UNC5D: variants seen among roughly 807,000 people sequenced by gnomAD.
UNC5D encodes the protein unc-5 netrin receptor D, also known as netrin receptor UNC5D.
In UNC5D, 39 loss-of-function variants were observed where a neutral mutation model predicts 105.4. The ratio of observed to expected loss-of-function variants is 0.37; its 90% CI spans 0.29 to 0.48. The LOEUF (loss-of-function observed/expected upper bound fraction) is 0.48, where lower values mean the gene tolerates loss of function less well. Among genes scored for constraint, UNC5D ranks in the 20% least tolerant of loss-of-function variants. UNC5D has a pLI of 0.98. For missense variants in UNC5D, 991 were observed against 1,202.4 expected (o/e 0.82, Z 2.60); for synonymous variants, 452 against 450.4 (o/e 1.00, Z -0.04).
intron 1 of UNC5D, chr8:35,256,370 C>A (rs1171069845): frequency 6.6e-6 from 1 of 152,010 alleles, no homozygotes; most frequent in Admixed American, 6.6e-5. Flanking sequence ...GCAGAACATG[C>A]AGGTTTTTAC....
intron 3 of UNC5D, among the ~76,000 whole-genome samples, chr8:35,574,748 G>A (rs2053343): frequency 0.45 from 67,636 of 151,954 alleles, 17,257 homozygotes; most frequent in African/African-American, 0.72. Context: ...CAGCCTTCCT[G>A]TACATTTCCA....
At position 35,235,605 on chromosome 8, in the gene UNC5D, G is replaced by C. The variant is rs1446261442; in HGVS notation, c.-180G>C. ...AAGCTATGGGGACGCGCCCTTTCTC[G>C]GGGTGCCCATTCAGCGGCGGCTCGG... is the stretch of plus-strand genomic sequence containing the variant. On this transcript the variant is annotated 5_prime_UTR_variant, in exon 1 of 17. Transcript: ENST00000404895. 1.2e-5 allele frequency: 5 copies of C among 428,476 alleles called. No individual in the cohort carries two copies. The highest frequency in any genetic ancestry group is 2.6e-4 in the South Asian group (2 of 7,842). 26.5% of individuals were successfully genotyped at this position (428,476 alleles called of 1,614,324 possible).
At chr8:35,357,422 T>G (rs1801621168) in intron 1 of UNC5D, among the ~76,000 whole-genome samples, 1 of 152,280 alleles carries the variant, frequency 6.6e-6, no homozygotes. Context: ...AACATTGGGT[T>G]GCAACACTTT....
chr8:35,393,549 AG>A (rs370147949), intron 1 of UNC5D, among the ~76,000 whole-genome samples: 18 of 152,330 alleles, frequency 1.2e-4, no homozygotes, highest in African/African-American at 3.8e-4. Context: ...ACTGTCATGT[AG>A]ATCATTCTCA....
intron 1 of UNC5D, among the ~76,000 whole-genome samples, chr8:35,424,905 T>G (rs565311105): frequency 1.5e-4 from 23 of 152,362 alleles, no homozygotes; most frequent in Admixed American, 5.9e-4. Context: ...GGCTGCTGAC[T>G]TGTTTTCTCC....
chr8:35,766,752 A>C, intron 14 of UNC5D, 150 bp from the exon 15 acceptor site: 1 of 918,172 alleles, frequency 1.1e-6, no homozygotes, highest in Non-Finnish European at 1.5e-6. Flanking sequence ...AATTCCACTA[A>C]AGCTGCCTAG....
chr8:35,304,422 G>GA (rs956221487), intron 1 of UNC5D, among the ~76,000 whole-genome samples: 2 of 151,582 alleles, frequency 1.3e-5, no homozygotes, highest in African/African-American at 2.4e-5. Context: ...AGGAAAAGAG[G>GA]AAAAAAAATT....
chr8:35,786,052 G>A (rs920472092), intron 16 of UNC5D, among the ~76,000 whole-genome samples: 1 of 152,050 alleles, frequency 6.6e-6, no homozygotes, highest in Non-Finnish European at 1.5e-5. Flanking sequence ...CACTTACTGC[G>A]ACCTTCTAGG....
chr8:35,516,978 A>C (rs1813139125), intron 1 of UNC5D, among the ~76,000 whole-genome samples: 1 of 152,224 alleles, frequency 6.6e-6, no homozygotes, highest in African/African-American at 2.4e-5. Flanking sequence ...ATTTGAGGTC[A>C]TGCTGTTCTC....
At chr8:35,559,035 T>C (rs1015146723) in intron 2 of UNC5D, among the ~76,000 whole-genome samples, 2 of 152,096 alleles carry the variant, frequency 1.3e-5, no homozygotes, top group African/African-American at 4.8e-5. Context: ...TTGCTTTGTT[T>C]CTCTCCCAGA....
At chr8:35,719,509 C>T (rs923457255) in intron 8 of UNC5D, among the ~76,000 whole-genome samples, 3 of 152,148 alleles carry the variant, frequency 2.0e-5, no homozygotes, top group Non-Finnish European at 2.9e-5. Flanking sequence ...GTTCTATCTC[C>T]TGAAGTGTAA....
intron 1 of UNC5D, among the ~76,000 whole-genome samples, chr8:35,303,368 C>G (rs1482333438): frequency 6.6e-6 from 1 of 151,980 alleles, no homozygotes; most frequent in African/African-American, 2.4e-5. Context: ...ATGTATAATT[C>G]AGCTTCCCAG....
chr8:35,694,154 G>A (rs544636885), intron 7 of UNC5D, among the ~76,000 whole-genome samples: 1 of 152,056 alleles, frequency 6.6e-6, no homozygotes, highest in Non-Finnish European at 1.5e-5. Context: ...CCAGCTCGTC[G>A]GTGAGAGTGC....
intron 4 of UNC5D, among the ~76,000 whole-genome samples, chr8:35,641,805 A>C (rs1411893548): frequency 6.6e-6 from 1 of 152,112 alleles, no homozygotes; most frequent in Admixed American, 6.6e-5. Context: ...TATTTATTTC[A>C]AACTCCAGGT....
At chr8:35,473,180 A>G (rs2129861421) in intron 1 of UNC5D, among the ~76,000 whole-genome samples, 1 of 152,300 alleles carries the variant, frequency 6.6e-6, no homozygotes, top group South Asian at 2.1e-4. Context: ...AGGAGAAATG[A>G]GAGATGGTGT....
chr8:35,625,623 T>C (rs1586280522), intron 4 of UNC5D, among the ~76,000 whole-genome samples: 2 of 152,198 alleles, frequency 1.3e-5, no homozygotes, highest in Non-Finnish European at 2.9e-5. Context: ...AAGGGGATGG[T>C]GAATTATTGC....
chr8:35,476,215 T>C (rs1810087352), intron 1 of UNC5D, among the ~76,000 whole-genome samples: 1 of 152,164 alleles, frequency 6.6e-6, no homozygotes, highest in Admixed American at 6.5e-5. Flanking sequence ...CAGATGACTC[T>C]ACTGCAAACA....
At chr8:35,708,683 G>A (rs898141832) in intron 8 of UNC5D, among the ~76,000 whole-genome samples, 3 of 152,114 alleles carry the variant, frequency 2.0e-5, no homozygotes, top group Admixed American at 6.5e-5. Context: ...TTCACCTGAA[G>A]GGGTGAAAAG....
At chr8:35,727,253 A>G (rs1828925763) in intron 10 of UNC5D, 1 of 152,284 alleles carries the variant, frequency 6.6e-6, no homozygotes, top group East Asian at 1.9e-4. Context: ...GATGGTAGAC[A>G]AGGTCAATTT....
Sources: gnomAD v4.1 joint callset for allele counts (sites outside exome capture counted in the v4.1 genomes callset) on GRCh38, gnomAD v4.1.1 for gene constraint, MANE v1.5 for transcripts, NCBI Gene and HGNC (gene_info 2026-07-23, HGNC 2026-07-21) for gene names.